The following PPTC7 variants were observed in gnomAD, a reference collection of about 807,000 sequenced individuals.
PPTC7 encodes the protein protein phosphatase targeting COQ7, also known as protein phosphatase PTC7 homolog.
Under a neutral mutation model 30.8 loss-of-function variants are expected in PPTC7, and 6 were observed. The ratio of observed to expected loss-of-function variants is 0.19; its 90% confidence interval spans 0.11 to 0.38. The LOEUF is 0.38. Among genes scored for constraint, PPTC7 ranks in the 10% least tolerant of loss-of-function variants. PPTC7 has a pLI of 1.00. For synonymous variants in PPTC7, 163 were observed against 168.1 expected (o/e 0.97, Z 0.23); for missense variants, 218 against 404.8 (o/e 0.54, Z 3.96).
In PPTC7 at chr12:110,533,841, C is replaced by A. The variant is rs2064194409; in HGVS notation, c.*3196G>T. 6.6e-6 allele frequency: 1 copy of A among 152,170 alleles called. No individual in the cohort carries two copies. Among genetic ancestry groups the A allele is most frequent in the Admixed American group, 6.5e-5 (1 of 15,268 alleles). The allele number at this position is 152,170 out of a possible 1,614,324, so 9.4% of individuals were successfully genotyped here. On this transcript the variant is annotated 3_prime_UTR_variant, in exon 6 of 6. Coordinates refer to ENST00000354300, the MANE Select transcript of PPTC7 (RefSeq NM_139283.2). ...TACTTGGTATGGTGGGCTAATGGTA[C>A]TGAAGGTGGTTTCCATCTCCGGGCT...
intron 1 of PPTC7, among the ~76,000 whole-genome samples, chr12:110,553,571 G>C (rs1299934903): frequency 1.3e-5 from 2 of 152,120 alleles, no homozygotes; most frequent in African/African-American, 2.4e-5. Flanking sequence ...TTGGGCTCAG[G>C]AGTTCAAGAC....
chr12:110,561,227 G>A (rs56123836), intron 1 of PPTC7, among the ~76,000 whole-genome samples: 21,711 of 151,994 alleles, frequency 0.14, 2,124 homozygotes, highest in African/African-American at 0.28. Flanking sequence ...ATGAAGCACT[G>A]TAACTAGAAA....
chr12:110,541,803 T>C (rs2064262384), intron 3 of PPTC7, among the ~76,000 whole-genome samples: 1 of 151,612 alleles, frequency 6.6e-6, no homozygotes, highest in African/African-American at 2.4e-5. Flanking sequence ...GTGGTCATCA[T>C]ACGTAGGTAT....
intron 1 of PPTC7, among the ~76,000 whole-genome samples, chr12:110,562,178 G>A (rs1486703633): frequency 6.6e-6 from 1 of 150,566 alleles, no homozygotes; most frequent in Non-Finnish European, 1.5e-5. Context: ...CCAGCTACTC[G>A]GAAGGCTGAG....
At chr12:110,561,933 C>A (rs1426525484) in intron 1 of PPTC7, among the ~76,000 whole-genome samples, 1 of 151,854 alleles carries the variant, frequency 6.6e-6, no homozygotes, top group Non-Finnish European at 1.5e-5. Context: ...CACAGCAAGA[C>A]CTGCCTCAAA....
chr12:110,581,198 G>A (rs1334145875), intron 1 of PPTC7, among the ~76,000 whole-genome samples: 1 of 152,126 alleles, frequency 6.6e-6, no homozygotes, highest in African/African-American at 2.4e-5. Context: ...GGCCGATCAC[G>A]AGGTCAGGAG....
chr12:110,550,550 T>C (rs991446337), intron 2 of PPTC7, among the ~76,000 whole-genome samples: 1 of 152,050 alleles, frequency 6.6e-6, no homozygotes, highest in Non-Finnish European at 1.5e-5. Context: ...TGATTTTAAA[T>C]GTCAATGGTG....
intron 1 of PPTC7, among the ~76,000 whole-genome samples, chr12:110,555,876 A>C (rs1325648385): frequency 1.3e-5 from 2 of 152,226 alleles, no homozygotes; most frequent in East Asian, 3.8e-4. Context: ...TTTAAAACAC[A>C]ACAATTTATG....
intron 1 of PPTC7, among the ~76,000 whole-genome samples, chr12:110,567,067 T>G (rs1565925409): frequency 6.6e-6 from 1 of 152,174 alleles, no homozygotes; most frequent in African/African-American, 2.4e-5. Flanking sequence ...CCTAACCATT[T>G]TCTTCGTCAC....
intron 1 of PPTC7, among the ~76,000 whole-genome samples, chr12:110,568,305 T>G (rs952109878): frequency 6.7e-6 from 1 of 148,246 alleles, no homozygotes; most frequent in African/African-American, 2.5e-5. Flanking sequence ...CAGGCTGGAG[T>G]GCAGTGCCGC....
At chr12:110,574,557 A>G (rs1315251558) in intron 1 of PPTC7, among the ~76,000 whole-genome samples, 2 of 152,176 alleles carry the variant, frequency 1.3e-5, no homozygotes, top group African/African-American at 4.8e-5. Context: ...ATTCAAAAAC[A>G]TTTAGCATCT....
At chr12:110,550,672 T>C (rs969647504) in intron 2 of PPTC7, among the ~76,000 whole-genome samples, 1 of 152,160 alleles carries the variant, frequency 6.6e-6, no homozygotes, top group African/African-American at 2.4e-5. Context: ...CAGGAAATCA[T>C]GTAACAAACA....
At chr12:110,568,753 A>C (rs2064507870) in intron 1 of PPTC7, among the ~76,000 whole-genome samples, 1 of 152,212 alleles carries the variant, frequency 6.6e-6, no homozygotes, top group Non-Finnish European at 1.5e-5. Flanking sequence ...ACTTTCAGCC[A>C]AAAACTCCAA....
At chr12:110,551,696 G>GA (rs1015295510) in intron 2 of PPTC7, 93 bp downstream of exon 2, 112 of 1,212,514 alleles carry the variant, frequency 9.2e-5, no homozygotes, top group Non-Finnish European at 1.2e-4. Context: ...AAGAGCCTCA[G>GA]AAAAAAGCTG....
intron 1 of PPTC7, among the ~76,000 whole-genome samples, chr12:110,581,977 T>C (rs765133837): frequency 1.3e-5 from 2 of 152,234 alleles, no homozygotes; most frequent in Non-Finnish European, 2.9e-5. Flanking sequence ...GCGTACATTA[T>C]GGTAAAGTTT....
chr12:110,553,548 G>A (rs1361283598), intron 1 of PPTC7, among the ~76,000 whole-genome samples: 3 of 152,130 alleles, frequency 2.0e-5, no homozygotes, highest in Non-Finnish European at 4.4e-5. Flanking sequence ...GGAGGCCAAG[G>A]TGGGAGAATC....
At chr12:110,582,333 TG>T (rs925325588) in intron 1 of PPTC7, among the ~76,000 whole-genome samples, 118 of 152,276 alleles carry the variant, frequency 7.7e-4, no homozygotes, top group African/African-American at 2.7e-3. Flanking sequence ...CCGGGCTGTC[TG>T]GGGGCTCACG....
chr12:110,556,770 C>T (rs1416582337), intron 1 of PPTC7, among the ~76,000 whole-genome samples: 1 of 152,200 alleles, frequency 6.6e-6, no homozygotes, highest in Non-Finnish European at 1.5e-5. Context: ...CTCTGAGAAG[C>T]TCCCCTGCTA....
At chr12:110,561,687 T>C (rs1260453552) in intron 1 of PPTC7, among the ~76,000 whole-genome samples, 3 of 152,126 alleles carry the variant, frequency 2.0e-5, no homozygotes, top group Non-Finnish European at 4.4e-5. Flanking sequence ...CGGGGTGCAG[T>C]GGCTCATGCC....
Sources: gnomAD v4.1 joint callset for allele counts (sites outside exome capture counted in the v4.1 genomes callset) on GRCh38, gnomAD v4.1.1 for gene constraint, MANE v1.5 for transcripts, NCBI Gene and HGNC (gene_info 2026-07-23, HGNC 2026-07-21) for gene names.